Variants in DDX60L observed in about 807,000 individuals in gnomAD.
DDX60L encodes the protein DExD/H-box 60 like, also known as probable ATP-dependent RNA helicase DDX60-like.
Under a neutral mutation model 211.6 loss-of-function variants are expected in DDX60L, and 191 were observed. The ratio of observed to expected loss-of-function variants is 0.90; its 90% confidence interval spans 0.80 to 1.02. The LOEUF (loss-of-function observed/expected upper bound fraction) is 1.02. Among genes scored for constraint, DDX60L ranks in the 50% least tolerant of loss-of-function variants. The pLI is 0.00. For synonymous variants in DDX60L, 706 were observed against 694.1 expected, an observed-to-expected ratio of 1.02 and a Z score of -0.27; for missense variants, 2,007 against 1,984.1, an observed-to-expected ratio of 1.01 and a Z score of -0.22.
intron 4 of DDX60L, among the ~76,000 whole-genome samples, chr4:168,466,217 T>TA (rs913600057): frequency 2.6e-5 from 4 of 151,024 alleles, no homozygotes; most frequent in East Asian, 1.9e-4. Context: ...TCAGTGAAAT[T>TA]AAAAAAAAGA....
In DDX60L at chr4:168,456,023, T is replaced by G. The variant is rs753468147; in HGVS notation, c.837+16A>C. The G allele has an allele frequency of 6.5e-7, 1 of 1,540,980 alleles. No individual in the cohort carries two copies. The highest frequency in any genetic ancestry group is 8.8e-7 in the Non-Finnish European group (1 of 1,136,106). ...ATGACAGCTTTCTGCCTGGCGGCTG[T>G]GTTCTTTTTACTTACTAAGACACGA... On this transcript the variant is annotated intron_variant, in intron 7 of 37. Transcript: ENST00000682922.
chr4:168,411,479 C>A (rs1239342684), intron 22 of DDX60L, among the ~76,000 whole-genome samples: 2 of 152,156 alleles, frequency 1.3e-5, no homozygotes, highest in African/African-American at 4.8e-5. Flanking sequence ...CAGCGAAAAG[C>A]AACACCAGGC....
intron 36 of DDX60L, among the ~76,000 whole-genome samples, chr4:168,370,754 T>C (rs184397112): frequency 7.9e-5 from 12 of 152,308 alleles, no homozygotes; most frequent in Admixed American, 2.0e-4. Context: ...AGCATTTAAA[T>C]ATTTAAAACT....
intron 8 of DDX60L, among the ~76,000 whole-genome samples, chr4:168,451,250 G>A (rs1475967639): frequency 6.6e-6 from 1 of 152,108 alleles, no homozygotes; most frequent in Non-Finnish European, 1.5e-5. Flanking sequence ...AACCACTCAT[G>A]GGCTGATGTG....
At chr4:168,428,323 T>C (rs1380484827) in intron 13 of DDX60L, among the ~76,000 whole-genome samples, 3 of 152,020 alleles carry the variant, frequency 2.0e-5, no homozygotes, top group Admixed American at 1.3e-4. Context: ...AAACCTACAG[T>C]GTAATCAGTG....
At chr4:168,362,941 T>G (rs539183064) in intron 36 of DDX60L, among the ~76,000 whole-genome samples, 78 of 152,256 alleles carry the variant, frequency 5.1e-4, no homozygotes, top group African/African-American at 1.7e-3. Context: ...TCTTGGGAGA[T>G]ATATGCATCT....
chr4:168,422,969 TTGTGTG>T lies in DDX60L; in HGVS notation c.2098-305_2098-300del, dbSNP rs5863932. 2.0e-4 allele frequency among the ~76,000 whole-genome samples: 27 copies of T among 133,026 alleles called. No individual in the cohort carries two copies. In the South Asian group the frequency reaches 4.3e-3, roughly 21 times the overall value. 87.3% of individuals were successfully genotyped at this position (133,026 alleles called of 152,430 possible). A position where few individuals can be genotyped will look rare whatever the true frequency, so the allele number is the denominator to read the frequency against. ...CACATGCTATCAATTGTGGCTAATA[TTGTGTG>T]TGTGTGTGTGTGTGTGTGTGTGTGT... On this transcript the variant is annotated intron_variant, in intron 15 of 37. Transcript: ENST00000682922.
At chr4:168,440,632 T>C (rs1248272835) in intron 10 of DDX60L, among the ~76,000 whole-genome samples, 3 of 152,164 alleles carry the variant, frequency 2.0e-5, no homozygotes, top group Non-Finnish European at 4.4e-5. Flanking sequence ...CTATTACTCA[T>C]CCTTCAGACC....
At position 168,375,322 on chromosome 4, in the gene DDX60L, A is replaced by G; in HGVS notation, c.4633+55T>C. 2.3e-6 allele frequency: 3 copies of G among 1,302,946 alleles called. No individual in the cohort carries two copies. In the South Asian group the frequency reaches 4.5e-5, roughly 19 times the overall value. 80.7% of individuals were successfully genotyped at this position (1,302,946 alleles called of 1,614,324 possible). A position where few individuals can be genotyped will look rare whatever the true frequency, so the allele number is the denominator to read the frequency against. On this transcript the variant is annotated intron_variant, in intron 34 of 37. Coordinates refer to ENST00000682922, the MANE Select transcript of DDX60L (RefSeq NM_001012967.3). ...GCATCCAATATCCAGAGGCTTTCTT[A>G]ACCAAGATTGTTTACTCTTTAAATT...
rs563933757 is a variant in DDX60L at position 168,441,594 on chromosome 4, T to C, written c.1139-102A>G. The C allele has an allele frequency of 2.2e-4, 210 of 963,824 alleles. 2 individuals carry two copies. In the South Asian group the frequency reaches 3.6e-3, roughly 17 times the overall value. 59.7% of individuals were successfully genotyped at this position (963,824 alleles called of 1,614,324 possible). A position where few individuals can be genotyped will look rare whatever the true frequency, so the allele number is the denominator to read the frequency against. ...AATTCATAGAGCTCTGGAAAGATGA[T>C]CAAATATGGAAACTTACAGTGAGTT... is the stretch of plus-strand genomic sequence containing the variant. On this transcript the variant is annotated intron_variant, in intron 9 of 37. Transcript: ENST00000682922.
intron 8 of DDX60L, 51 bp downstream of exon 8, chr4:168,453,073 C>G (rs1179080195): frequency 2.0e-6 from 3 of 1,519,182 alleles, no homozygotes; most frequent in Admixed American, 2.0e-5. Context: ...TAAAGGTGAT[C>G]ATGGTTTTCA....
At chr4:168,455,832 G>A (rs1756494905) in intron 7 of DDX60L, among the ~76,000 whole-genome samples, 1 of 152,118 alleles carries the variant, frequency 6.6e-6, no homozygotes. Context: ...ATTTTCTTAT[G>A]TATACAGATT....
At chr4:168,374,646 ACTAAAG>A (rs1275259071) in intron 34 of DDX60L, among the ~76,000 whole-genome samples, 11 of 152,236 alleles carry the variant, frequency 7.2e-5, no homozygotes, top group African/African-American at 2.7e-4. Flanking sequence ...AGTTAACGTG[ACTAAAG>A]CTAAAGTGAC....
At chr4:168,467,375 A>G (rs1373286886) in intron 4 of DDX60L, among the ~76,000 whole-genome samples, 1 of 148,718 alleles carries the variant, frequency 6.7e-6, no homozygotes, top group East Asian at 2.0e-4. Flanking sequence ...TGCTACTGCT[A>G]TGTTGCAGCC....
intron 4 of DDX60L, among the ~76,000 whole-genome samples, chr4:168,466,339 T>C (rs897868110): frequency 1.3e-5 from 2 of 152,082 alleles, no homozygotes; most frequent in Admixed American, 6.6e-5. Flanking sequence ...CTTAGCAATA[T>C]AAAGGATAAA....
In DDX60L at chr4:168,420,037, T is replaced by C. The variant is rs547609159; in HGVS notation, c.2514+224A>G. 4.6e-5 allele frequency among the ~76,000 whole-genome samples: 7 copies of C among 152,344 alleles called. No individual in the cohort carries two copies. The South Asian group carries it at 1.4e-3, about 32-fold the overall frequency. On this transcript the variant is annotated intron_variant, in intron 18 of 37. Coordinates refer to ENST00000682922, the MANE Select transcript of DDX60L (RefSeq NM_001012967.3). ...ATAATGAAATATCATAACTTTCTAT[T>C]TGAAATTTCAGTTCACAATGTGAAT... is the stretch of plus-strand genomic sequence containing the variant.
chr4:168,369,346 T>C (rs910566648), intron 36 of DDX60L, among the ~76,000 whole-genome samples: 2 of 152,168 alleles, frequency 1.3e-5, no homozygotes, highest in Admixed American at 1.3e-4. Flanking sequence ...ATGTGAGACA[T>C]GTCTTTCAAC....
rs373337475 is a variant in DDX60L, at chr4:168,415,529, G to A, written c.2870-12C>T. 8.5e-6 allele frequency: 13 copies of A among 1,530,964 alleles called. No individual in the cohort carries two copies. Among genetic ancestry groups the A allele is most frequent in the Non-Finnish European group, 9.9e-6 (11 of 1,116,636 alleles). The allele number at this position is 1,530,964 out of a possible 1,614,324, so 94.8% of individuals were successfully genotyped here. On this transcript the variant is annotated splice_polypyrimidine_tract_variant and intron_variant, in intron 21 of 37. Coordinates refer to ENST00000682922, the MANE Select transcript of DDX60L (RefSeq NM_001012967.3). ...CTCTCCACAGAGCACTAGATACGAA[G>A]AGCAAGAATATCCAAATTAATGGAC...
At chr4:168,399,218 C>T (rs10033486) in intron 26 of DDX60L, among the ~76,000 whole-genome samples, 5,127 of 152,292 alleles carry the variant, frequency 0.034, 300 homozygotes, top group African/African-American at 0.12. Context: ...TTGCTTGCCA[C>T]GTTATGGGTG....
Sources: gnomAD v4.1 joint callset for allele counts (sites outside exome capture counted in the v4.1 genomes callset) on GRCh38, gnomAD v4.1.1 for gene constraint, MANE v1.5 for transcripts, NCBI Gene and HGNC (gene_info 2026-07-23, HGNC 2026-07-21) for gene names.